OR2L5: variants seen among roughly 807,000 people sequenced by gnomAD.
The protein encoded by OR2L5 is olfactory receptor 2L5.
For synonymous variants in OR2L5, 169 were observed against 142.0 expected (o/e 1.19, Z -1.35); for missense variants, 413 against 381.6 (o/e 1.08, Z -0.69).
chr1:248,020,864 A>C (rs969407845), intron 1 of OR2L5, among the ~76,000 whole-genome samples: 2 of 151,386 alleles, frequency 1.3e-5, no homozygotes, highest in Admixed American at 1.3e-4. Flanking sequence ...GCTTTGCATA[A>C]TAATTCCAAG....
At chr1:248,014,023 A>G (rs1484993247) in intron 1 of OR2L5, among the ~76,000 whole-genome samples, 1 of 152,178 alleles carries the variant, frequency 6.6e-6, no homozygotes, top group Non-Finnish European at 1.5e-5. Context: ...TTTGGGCTCA[A>G]GTGAAATTTA....
rs371979133 is a variant in OR2L5 at position 248,022,057 on chromosome 1, C to T, written c.110C>T (p.Ala37Val). 17 of 1,613,690 alleles carry T rather than the reference C, an allele frequency of 1.1e-5. No individual in the cohort carries two copies. The African/African-American group carries it at 1.7e-4, about 16-fold the overall frequency. ...CTCTTTGTTCTCATTTTCCTAATGG[C>T]TCTAATTGGAAACCTATCCATGATT... is the stretch of plus-strand genomic sequence containing the variant. ...FILFVLIFLM[A>V]LIGNLSMILL... Residue 37 changes from alanine to valine, a missense_variant, in exon 2 of 2, where the codon GCT (alanine) becomes GTT (valine). Physicochemically the swap from Ala to Val is moderately conservative, Grantham distance 64. Coordinates refer to ENST00000355281, the MANE Select transcript of OR2L5 (RefSeq NM_001258284.2).
At position 248,023,138 on chromosome 1, in the gene OR2L5, C is replaced by G; in HGVS notation, c.*252C>G. On this transcript the variant is annotated 3_prime_UTR_variant, in exon 2 of 2. Coordinates refer to ENST00000355281, the MANE Select transcript of OR2L5 (RefSeq NM_001258284.2). ...TTGTAAGGCCATAGAATTTCATTAT[C>G]ATGTATAAATCAAAACAATAAATGT... 1 of 321,660 alleles carries G rather than the reference C, an allele frequency of 3.1e-6. No homozygotes were observed. Among genetic ancestry groups the G allele is most frequent in the Non-Finnish European group, 5.7e-6 (1 of 175,346 alleles). The allele number at this position is 321,660 out of a possible 1,614,324, so 19.9% of individuals were successfully genotyped here.
intron 1 of OR2L5, among the ~76,000 whole-genome samples, chr1:248,015,531 C>A (rs1308869099): frequency 6.6e-6 from 1 of 152,122 alleles, no homozygotes; most frequent in African/African-American, 2.4e-5. Context: ...GTGAAACTGA[C>A]CCTGTCACCT....
rs1206272935 is a variant in OR2L5, at chr1:248,022,720, A to G, written c.773A>G (p.Tyr258Cys). 4 of 1,614,084 alleles carry G rather than the reference A, an allele frequency of 2.5e-6. No individual in the cohort carries two copies. The highest frequency in any genetic ancestry group is 1.7e-5 in the Admixed American group (1 of 59,992). Residue 258 changes from tyrosine to cysteine, a missense_variant, in exon 2 of 2, where the codon TAT becomes TGT. Transcript: ENST00000355281. The part of the protein sequence containing the change: ...TFYYAPFAYT[Y>C]LCPRSLRSLT... ...TACTATGCACCCTTTGCTTATACCT[A>G]TCTATGTCCAAGATCCCTGCGATCT...
At chr1:248,019,896 C>T (rs182287177) in intron 1 of OR2L5, among the ~76,000 whole-genome samples, 2 of 152,234 alleles carry the variant, frequency 1.3e-5, no homozygotes. Context: ...AAGCAATCCT[C>T]CCACCTCAGC....
intron 1 of OR2L5, among the ~76,000 whole-genome samples, chr1:248,016,963 A>G (rs1180185384): frequency 6.6e-6 from 1 of 152,186 alleles, no homozygotes; most frequent in Admixed American, 6.6e-5. Flanking sequence ...AAATCCTGAC[A>G]TATTGCAAGT....
At chr1:248,017,826 A>G (rs1399691535) in intron 1 of OR2L5, among the ~76,000 whole-genome samples, 2 of 152,188 alleles carry the variant, frequency 1.3e-5, no homozygotes, top group Non-Finnish European at 2.9e-5. Context: ...GGTAAACACA[A>G]TGTCATACAA....
Position 248,022,064 on chromosome 1 carries a change from T to G in OR2L5, c.117T>G (p.Ile39Met), listed in dbSNP as rs755705711. The G allele has an allele frequency of 1.9e-5, 31 of 1,613,854 alleles. No homozygotes were observed. The East Asian group carries it at 6.7e-4, about 35-fold the overall frequency. ...LFVLIFLMALIGNLSMILLIF... is the reference protein window; with the variant it reads ...LFVLIFLMALMGNLSMILLIF... ...TTCTCATTTTCCTAATGGCTCTAAT[T>G]GGAAACCTATCCATGATTCTTCTCA... Residue 39 changes from isoleucine to methionine, a missense_variant, in exon 2 of 2, where the codon ATT (isoleucine) becomes ATG (methionine). Ile to Met is a conservative substitution (Grantham distance 10). Transcript: ENST00000355281.
intron 1 of OR2L5, among the ~76,000 whole-genome samples, chr1:248,015,059 C>T (rs965304171): frequency 2.6e-5 from 4 of 152,154 alleles, no homozygotes; most frequent in Non-Finnish European, 4.4e-5. Flanking sequence ...GATGCACTAT[C>T]GTGGACCTCA....
intron 1 of OR2L5, among the ~76,000 whole-genome samples, chr1:248,017,525 CTT>C (rs926174088): frequency 2.0e-5 from 3 of 152,184 alleles, no homozygotes; most frequent in African/African-American, 7.2e-5. Context: ...TAGAAAGAGA[CTT>C]TTTCTTCCAA....
At chr1:248,018,363 T>A (rs1292005340) in intron 1 of OR2L5, among the ~76,000 whole-genome samples, 2 of 152,198 alleles carry the variant, frequency 1.3e-5, no homozygotes, top group African/African-American at 4.8e-5. Flanking sequence ...TTTGGAATGT[T>A]GTGTTAGTAA....
chr1:248,023,490 TGG>T lies in OR2L5; in HGVS notation c.*605_*606del, dbSNP rs1239005770. On this transcript the variant is annotated 3_prime_UTR_variant, in exon 2 of 2. Coordinates refer to ENST00000355281, the MANE Select transcript of OR2L5 (RefSeq NM_001258284.2). ...CAGTTGACTTAGACTTAGTTGAATG[TGG>T]AGTAGGTTATTTGAACCATTCCCCA... The T allele has an allele frequency of 6.6e-6, 1 of 152,264 alleles. No individual in the cohort carries two copies. The highest frequency in any genetic ancestry group is 1.9e-4 in the East Asian group (1 of 5,200). 9.4% of individuals were successfully genotyped at this position (152,264 alleles called of 1,614,324 possible). A position where few individuals can be genotyped will look rare whatever the true frequency, so the allele number is the denominator to read the frequency against.
chr1:248,022,930 C>T lies in OR2L5; in HGVS notation c.*44C>T. The T allele has an allele frequency of 1.2e-5, 18 of 1,536,526 alleles. No individual in the cohort carries two copies. The highest frequency in any genetic ancestry group is 1.5e-5 in the Non-Finnish European group (17 of 1,134,468). On this transcript the variant is annotated 3_prime_UTR_variant, in exon 2 of 2. Transcript: ENST00000355281. ...AGTCAAAGCGCTAGGTTCATATCAA[C>T]TCAGCAGTGTACAGCAGTGAAGAAA...
intron 1 of OR2L5, among the ~76,000 whole-genome samples, chr1:248,017,736 G>C (rs1662232819): frequency 6.6e-6 from 1 of 152,134 alleles, no homozygotes; most frequent in Admixed American, 6.5e-5. Context: ...GAGCTGGGTT[G>C]TAAATTGAGA....
Position 248,022,968 on chromosome 1 carries a change from T to C in OR2L5, c.*82T>C, listed in dbSNP as rs1344703599. The C allele has an allele frequency of 8.1e-7, 1 of 1,241,600 alleles. No individual in the cohort carries two copies. The highest frequency in any genetic ancestry group is 1.5e-5 in the African/African-American group (1 of 66,444). 76.9% of individuals were successfully genotyped at this position (1,241,600 alleles called of 1,614,324 possible). ...AGCAGTGAAGAAAAACATTATTACA[T>C]GCCCAGTATGTCAAACAGAGATTAA... On this transcript the variant is annotated 3_prime_UTR_variant, in exon 2 of 2. Coordinates refer to ENST00000355281, the MANE Select transcript of OR2L5 (RefSeq NM_001258284.2).
chr1:248,015,244 C>T (rs74155893), intron 1 of OR2L5, among the ~76,000 whole-genome samples: 4,804 of 152,232 alleles, frequency 0.032, 229 homozygotes, highest in African/African-American at 0.11. Context: ...GTCAGTTAAA[C>T]ACAACATTAT....
intron 1 of OR2L5, among the ~76,000 whole-genome samples, chr1:248,021,359 A>C (rs1662330567): frequency 6.6e-6 from 1 of 152,224 alleles, no homozygotes; most frequent in South Asian, 2.1e-4. Context: ...CAGTCTAACT[A>C]AACTAAGGAT....
At chr1:248,020,793 C>T (rs1350403120) in intron 1 of OR2L5, among the ~76,000 whole-genome samples, 1 of 151,466 alleles carries the variant, frequency 6.6e-6, no homozygotes, top group Non-Finnish European at 1.5e-5. Context: ...TATTTCATTT[C>T]ATTTTATTAT....
Sources: allele counts gnomAD v4.1 joint callset (sites outside exome capture counted in the v4.1 genomes callset), GRCh38; gene constraint gnomAD v4.1.1; transcripts MANE v1.5; gene names NCBI Gene and HGNC (gene_info 2026-07-23, HGNC 2026-07-21).